The following LDB2 variants were observed in gnomAD, a reference collection of about 807,000 sequenced individuals.
LDB2 encodes LIM domain-binding protein 2.
In LDB2, 12 loss-of-function variants were observed where a neutral mutation model predicts 44.3. That is an observed-to-expected ratio of 0.27 (90% CI 0.17 to 0.44). The LOEUF (loss-of-function observed/expected upper bound fraction) is 0.44. Among genes scored for constraint, LDB2 ranks in the 20% least tolerant of loss-of-function variants. LDB2 has a pLI of 1.00. For missense variants in LDB2, 344 were observed against 473.5 expected (o/e 0.73, Z 2.54); for synonymous variants, 164 against 174.8 (o/e 0.94, Z 0.49).
chr4:16,687,058 G>A (rs1749424700), intron 2 of LDB2, among the ~76,000 whole-genome samples: 1 of 149,328 alleles, frequency 6.7e-6, no homozygotes, highest in Non-Finnish European at 1.5e-5. Flanking sequence ...GTGAAATATG[G>A]GGTGAAAAAA....
chr4:16,808,465 G>A (rs540014699), intron 1 of LDB2, among the ~76,000 whole-genome samples: 1 of 152,176 alleles, frequency 6.6e-6, no homozygotes, highest in Non-Finnish European at 1.5e-5. Flanking sequence ...TGACTCCTTT[G>A]AGGTTTTTGT....
intron 1 of LDB2, among the ~76,000 whole-genome samples, chr4:16,830,060 G>A (rs773965405): frequency 2.0e-5 from 3 of 151,964 alleles, no homozygotes; most frequent in Non-Finnish European, 2.9e-5. Context: ...GGCTGAGATC[G>A]AGATCTCACC....
chr4:16,624,329 T>C (rs963207035), intron 2 of LDB2, among the ~76,000 whole-genome samples: 2 of 152,088 alleles, frequency 1.3e-5, no homozygotes, highest in African/African-American at 4.8e-5. Context: ...ACTCCTGGGC[T>C]CAAGCAATAC....
intron 5 of LDB2, among the ~76,000 whole-genome samples, chr4:16,555,886 C>T (rs758630803): frequency 1.4e-4 from 22 of 152,220 alleles, no homozygotes; most frequent in Admixed American, 2.6e-4. Flanking sequence ...AATTCAATCT[C>T]GCGTTACTCT....
At chr4:16,801,725 G>C (rs984766277) in intron 1 of LDB2, among the ~76,000 whole-genome samples, 1 of 152,166 alleles carries the variant, frequency 6.6e-6, no homozygotes, top group Non-Finnish European at 1.5e-5. Flanking sequence ...AAAAATTTCA[G>C]TGTTTTATAG....
chr4:16,807,822 T>C (rs1392781057), intron 1 of LDB2, among the ~76,000 whole-genome samples: 1 of 152,214 alleles, frequency 6.6e-6, no homozygotes, highest in African/African-American at 2.4e-5. Flanking sequence ...TTCATTCCTC[T>C]TCCAGCCTTG....
At chr4:16,556,141 C>T (rs1739493708) in intron 5 of LDB2, among the ~76,000 whole-genome samples, 1 of 152,206 alleles carries the variant, frequency 6.6e-6, no homozygotes, top group African/African-American at 2.4e-5. Flanking sequence ...TGTATTCACT[C>T]ATAGACTTAT....
intron 2 of LDB2, among the ~76,000 whole-genome samples, chr4:16,600,639 AGC>A (rs1722321641): frequency 6.6e-6 from 1 of 152,156 alleles, no homozygotes; most frequent in Admixed American, 6.6e-5. Flanking sequence ...TAGCTAATTG[AGC>A]TGTGGATCCC....
At chr4:16,818,804 A>G (rs1226389437) in intron 1 of LDB2, among the ~76,000 whole-genome samples, 1 of 152,190 alleles carries the variant, frequency 6.6e-6, no homozygotes, top group East Asian at 1.9e-4. Flanking sequence ...GTATAGGACC[A>G]TTGATGGGGA....
intron 5 of LDB2, among the ~76,000 whole-genome samples, chr4:16,527,067 A>G (rs1728500418): frequency 6.6e-6 from 1 of 152,218 alleles, no homozygotes; most frequent in South Asian, 2.1e-4. Context: ...TAACTTATTT[A>G]TTATTTATCT....
intron 2 of LDB2, among the ~76,000 whole-genome samples, chr4:16,618,379 C>G (rs1271141738): frequency 6.6e-6 from 1 of 152,132 alleles, no homozygotes; most frequent in Non-Finnish European, 1.5e-5. Context: ...AGGACAGACA[C>G]CCTATCTGCC....
intron 2 of LDB2, among the ~76,000 whole-genome samples, chr4:16,730,220 A>G (rs960728875): frequency 6.6e-6 from 1 of 152,140 alleles, no homozygotes; most frequent in Non-Finnish European, 1.5e-5. Flanking sequence ...CCCAGAGTCC[A>G]TCCCTTTTGT....
intron 5 of LDB2, among the ~76,000 whole-genome samples, chr4:16,541,897 T>C (rs776025779): frequency 3.6e-4 from 54 of 152,024 alleles, no homozygotes; most frequent in Non-Finnish European, 6.6e-4. Flanking sequence ...AGGTTTTTTT[T>C]CTAGAGGAAT....
At chr4:16,551,724 C>T (rs1737745981) in intron 5 of LDB2, among the ~76,000 whole-genome samples, 1 of 152,108 alleles carries the variant, frequency 6.6e-6, no homozygotes. Context: ...ACCATGTTGG[C>T]CAGACTGGTC....
At chr4:16,815,092 T>C (rs2109902069) in intron 1 of LDB2, among the ~76,000 whole-genome samples, 1 of 152,360 alleles carries the variant, frequency 6.6e-6, no homozygotes, top group South Asian at 2.1e-4. Context: ...CAGGAGAGCA[T>C]GAACTTTAAT....
At chr4:16,555,593 A>C (rs1268778051) in intron 5 of LDB2, among the ~76,000 whole-genome samples, 6 of 152,124 alleles carry the variant, frequency 3.9e-5, no homozygotes, top group African/African-American at 1.4e-4. Flanking sequence ...CCTGGCCTGG[A>C]ATACCCTTTC....
intron 2 of LDB2, among the ~76,000 whole-genome samples, chr4:16,749,797 G>A (rs1264540396): frequency 6.6e-6 from 1 of 151,934 alleles, no homozygotes; most frequent in Non-Finnish European, 1.5e-5. Context: ...TACCAGCATT[G>A]CATCAACTGT....
intron 2 of LDB2, among the ~76,000 whole-genome samples, chr4:16,703,216 G>A (rs1003324454): frequency 1.3e-5 from 2 of 152,222 alleles, no homozygotes; most frequent in Admixed American, 6.5e-5. Context: ...GTAAGGGGAG[G>A]CAGCTATATG....
chr4:16,707,130 T>G (rs1754780946), intron 2 of LDB2, among the ~76,000 whole-genome samples: 1 of 152,110 alleles, frequency 6.6e-6, no homozygotes, highest in South Asian at 2.1e-4. Flanking sequence ...AAGCTACACA[T>G]GAAAGCCTTA....
Sources: gnomAD v4.1 joint callset for allele counts (sites outside exome capture counted in the v4.1 genomes callset) on GRCh38, gnomAD v4.1.1 for gene constraint, MANE v1.5 for transcripts, NCBI Gene and HGNC (gene_info 2026-07-23, HGNC 2026-07-21) for gene names.